The following SDHAF3 variants were observed in gnomAD, a reference collection of about 807,000 sequenced individuals.
SDHAF3 encodes succinate dehydrogenase assembly factor 3, mitochondrial.
Under a neutral mutation model 11.5 loss-of-function variants are expected in SDHAF3, and 18 were observed. The ratio of observed to expected loss-of-function variants is 1.56; its 90% CI spans 1.08 to 2.32. The LOEUF (loss-of-function observed/expected upper bound fraction) is 2.32. Ranked by LOEUF, SDHAF3 falls within the 30% of genes most tolerant of loss-of-function variation. SDHAF3 has a pLI of 0.00. For synonymous variants in SDHAF3, 72 were observed against 59.3 expected (o/e 1.21, Z -0.99); for missense variants, 200 against 154.4 (o/e 1.30, Z -1.57).
At chr7:97,133,915 AAC>A (rs1229770060) in intron 1 of SDHAF3, among the ~76,000 whole-genome samples, 1 of 152,026 alleles carries the variant, frequency 6.6e-6, no homozygotes, top group African/African-American at 2.4e-5. Context: ...CATTGTTATA[AAC>A]ACACAAACAA....
At chr7:97,136,468 G>T (rs768948311) in intron 1 of SDHAF3, 1 of 648,160 alleles carries the variant, frequency 1.5e-6, no homozygotes, top group Middle Eastern at 2.4e-4. Context: ...GGTACTTTCA[G>T]TAAGTAAGAC....
At chr7:97,154,457 T>G (rs1789273154) in intron 1 of SDHAF3, among the ~76,000 whole-genome samples, 2 of 152,216 alleles carry the variant, frequency 1.3e-5, no homozygotes, top group Admixed American at 1.3e-4. Flanking sequence ...TGCTCATTTA[T>G]TTTGCCCATT....
At chr7:97,131,237 A>G (rs754407248) in intron 1 of SDHAF3, among the ~76,000 whole-genome samples, 1 of 152,216 alleles carries the variant, frequency 6.6e-6, no homozygotes, top group Non-Finnish European at 1.5e-5. Flanking sequence ...CAATTTGTCT[A>G]TTTGATTCTT....
chr7:97,150,034 T>C (rs1027719971), intron 1 of SDHAF3, among the ~76,000 whole-genome samples: 4 of 152,248 alleles, frequency 2.6e-5, no homozygotes, highest in Non-Finnish European at 5.9e-5. Flanking sequence ...AGAAATCACT[T>C]TCTTTGCTCA....
intron 1 of SDHAF3, among the ~76,000 whole-genome samples, chr7:97,128,616 A>C (rs1214264141): frequency 2.0e-5 from 3 of 152,166 alleles, no homozygotes; most frequent in African/African-American, 4.8e-5. Context: ...TTAAAATTTG[A>C]AGTTTTTGTA....
intron 1 of SDHAF3, among the ~76,000 whole-genome samples, chr7:97,122,150 C>T (rs1791511000): frequency 6.6e-6 from 1 of 152,124 alleles, no homozygotes; most frequent in South Asian, 2.1e-4. Flanking sequence ...GCCACCGCGC[C>T]CGGCCGAAAC....
chr7:97,126,869 A>T (rs1791584964), intron 1 of SDHAF3, among the ~76,000 whole-genome samples: 1 of 148,560 alleles, frequency 6.7e-6, no homozygotes, highest in East Asian at 2.0e-4. Flanking sequence ...AAAACCCTGC[A>T]GCTAGCTCGG....
intron 1 of SDHAF3, among the ~76,000 whole-genome samples, chr7:97,132,224 T>C (rs1791681709): frequency 6.6e-6 from 1 of 152,234 alleles, no homozygotes; most frequent in African/African-American, 2.4e-5. Flanking sequence ...ATACATTTCC[T>C]AATTTTGCCT....
rs1332883268 is a variant in SDHAF3 at position 97,117,730 on chromosome 7, G to A, written c.7G>A (p.Gly3Arg). Residue 3 changes from glycine (G) to arginine (R), a missense_variant, in exon 1 of 2, where the codon GGG becomes AGG. By Grantham distance (125) the Gly-to-Arg change is moderately radical (BLOSUM62 -2). Coordinates refer to ENST00000432641, the MANE Select transcript of SDHAF3 (RefSeq NM_020186.3). ...GCGGTCGGCGTGGGGCGCTATGCCG[G>A]GGCGGCACGTTTCTCGAGTCCGGGC... MP[G>R]RHVSRVRALY... 6.2e-7 allele frequency: 1 copy of A among 1,612,672 alleles called. No individual in the cohort carries two copies. The highest frequency in any genetic ancestry group is 8.5e-7 in the Non-Finnish European group (1 of 1,179,420).
chr7:97,147,037 G>A (rs577239429), intron 1 of SDHAF3, among the ~76,000 whole-genome samples: 13 of 151,664 alleles, frequency 8.6e-5, no homozygotes, highest in African/African-American at 2.4e-4. Context: ...CACTGCGCCC[G>A]GCCAATAGGT....
At chr7:97,150,083 A>G (rs889152211) in intron 1 of SDHAF3, among the ~76,000 whole-genome samples, 3 of 152,242 alleles carry the variant, frequency 2.0e-5, no homozygotes, top group South Asian at 2.1e-4. Flanking sequence ...TTTTATAATC[A>G]GATTACAGCA....
At chr7:97,151,268 T>G (rs139433046) in intron 1 of SDHAF3, among the ~76,000 whole-genome samples, 81 of 152,040 alleles carry the variant, frequency 5.3e-4, no homozygotes, top group African/African-American at 1.7e-3. Flanking sequence ...TCTCACAAAA[T>G]AAAAGACTCA....
rs1042349236 is a variant in SDHAF3, at chr7:97,160,651, A to G, written c.175-20361A>G. Among the ~76,000 whole-genome samples the G allele has an allele frequency of 1.3e-5, 2 of 152,218 alleles. 1 individual carries two copies. The highest frequency in any genetic ancestry group is 1.3e-4 in the Admixed American group (2 of 15,286). ...GAATAGGCCAATGGAAAAGTGTCCA[A>G]ATGGAGATGCGCTGTAAGCGGTTGT... On this transcript the variant is annotated intron_variant, in intron 1 of 1. Coordinates refer to ENST00000432641, the MANE Select transcript of SDHAF3 (RefSeq NM_020186.3).
chr7:97,164,469 C>T (rs532096420), intron 1 of SDHAF3, among the ~76,000 whole-genome samples: 8 of 151,524 alleles, frequency 5.3e-5, no homozygotes, highest in East Asian at 3.9e-4. Flanking sequence ...CACAACCTCC[C>T]GGATTAAAGC....
chr7:97,153,488 A>G (rs1228284812), intron 1 of SDHAF3, among the ~76,000 whole-genome samples: 2 of 152,236 alleles, frequency 1.3e-5, no homozygotes, highest in African/African-American at 4.8e-5. Flanking sequence ...TTTGTCAATT[A>G]TGAATGAAGC....
chr7:97,137,415 C>G (rs1373465420), intron 1 of SDHAF3, among the ~76,000 whole-genome samples: 2 of 152,102 alleles, frequency 1.3e-5, no homozygotes, highest in Non-Finnish European at 2.9e-5. Flanking sequence ...AAGTTCAAAA[C>G]TAGAAAGGAG....
chr7:97,180,655 C>T (rs145277578), intron 1 of SDHAF3, among the ~76,000 whole-genome samples: 34 of 152,194 alleles, frequency 2.2e-4, no homozygotes, highest in African/African-American at 6.5e-4. Flanking sequence ...TTTGAGAATC[C>T]GTTGAAAGCT....
intron 1 of SDHAF3, among the ~76,000 whole-genome samples, chr7:97,156,674 C>A (rs906784887): frequency 1.3e-5 from 2 of 152,102 alleles, no homozygotes; most frequent in African/African-American, 4.8e-5. Flanking sequence ...AGGAGAACTT[C>A]TGTTCTTCCC....
At chr7:97,155,568 C>T (rs1789288868) in intron 1 of SDHAF3, among the ~76,000 whole-genome samples, 1 of 152,184 alleles carries the variant, frequency 6.6e-6, no homozygotes, top group African/African-American at 2.4e-5. Context: ...ACTTGCTGCT[C>T]TTCATTATAT....
Sources: gnomAD v4.1 joint callset for allele counts (sites outside exome capture counted in the v4.1 genomes callset) on GRCh38, gnomAD v4.1.1 for gene constraint, MANE v1.5 for transcripts, NCBI Gene and HGNC (gene_info 2026-07-23, HGNC 2026-07-21) for gene names.